Variants in STX8 observed in about 807,000 individuals in gnomAD.
The protein encoded by STX8 is syntaxin 8, also known as syntaxin-8.
Under a neutral mutation model 37.5 loss-of-function variants are expected in STX8, and 23 were observed. The ratio of observed to expected loss-of-function variants is 0.61; its 90% CI spans 0.44 to 0.87. The LOEUF (loss-of-function observed/expected upper bound fraction) is 0.87. STX8 is among the 40% of genes least tolerant of loss of function. The pLI is 0.00. For synonymous variants in STX8, 115 were observed against 99.1 expected (o/e 1.16, Z -0.95); for missense variants, 313 against 284.7 (o/e 1.10, Z -0.71).
chr17:9,457,176 C>A (rs561122843), intron 6 of STX8, among the ~76,000 whole-genome samples: 11 of 152,322 alleles, frequency 7.2e-5, no homozygotes, highest in African/African-American at 2.6e-4. Flanking sequence ...AACCAATTCC[C>A]ACACACCTAG....
At chr17:9,399,048 C>CA (rs376011880) in intron 6 of STX8, among the ~76,000 whole-genome samples, 2,488 of 85,368 alleles carry the variant, frequency 0.029, 87 homozygotes, top group Admixed American at 0.12. Context: ...GACTCCAGCT[C>CA]AAAAAAAAAA....
At chr17:9,468,264 C>T (rs1338570611) in intron 6 of STX8, among the ~76,000 whole-genome samples, 5 of 152,008 alleles carry the variant, frequency 3.3e-5, no homozygotes, top group Non-Finnish European at 5.9e-5. Context: ...CGTGCACCAC[C>T]GCACCCGGCT....
At chr17:9,285,042 C>T (rs1402840110) in intron 7 of STX8, among the ~76,000 whole-genome samples, 1 of 152,036 alleles carries the variant, frequency 6.6e-6, no homozygotes, top group South Asian at 2.1e-4. Context: ...CCAGGCCCCA[C>T]CCCCCTGGAG....
At chr17:9,551,898 G>T (rs959489746) in intron 3 of STX8, among the ~76,000 whole-genome samples, 1 of 151,792 alleles carries the variant, frequency 6.6e-6, no homozygotes, top group Non-Finnish European at 1.5e-5. Context: ...AACTAGGGGG[G>T]GGTGTAACTT....
At chr17:9,302,266 C>T (rs950787673) in intron 7 of STX8, among the ~76,000 whole-genome samples, 4 of 152,122 alleles carry the variant, frequency 2.6e-5, no homozygotes, top group African/African-American at 9.7e-5. Context: ...CCCTTCTCAT[C>T]CTTAATATGG....
intron 4 of STX8, among the ~76,000 whole-genome samples, chr17:9,535,423 A>ACTTTTTTTTT (rs1905992705): frequency 2.4e-5 from 1 of 41,118 alleles, no homozygotes. Context: ...CAGCCATCCT[A>ACTTTTTTTTT]CTTTTTTTTT....
At chr17:9,389,209 G>A (rs113198711) in intron 6 of STX8, among the ~76,000 whole-genome samples, 1 of 152,212 alleles carries the variant, frequency 6.6e-6, no homozygotes, top group African/African-American at 2.4e-5. Flanking sequence ...AGATTTCCTA[G>A]GCCAGAGAGC....
At chr17:9,523,311 CA>C (rs34297134) in intron 4 of STX8, among the ~76,000 whole-genome samples, 61,780 of 122,860 alleles carry the variant, frequency 0.5, 14,087 homozygotes, top group Middle Eastern at 0.54. Context: ...GACTCCATCT[CA>C]AAAAAAAAAA....
intron 1 of STX8, among the ~76,000 whole-genome samples, chr17:9,573,080 A>ACCCCCCCCCCCCCCCCC (rs71135994): frequency 7.9e-5 from 8 of 101,566 alleles, no homozygotes; most frequent in Admixed American, 1.1e-4. Flanking sequence ...CACCCCCAAC[A>ACCCCCCCCCCCCCCCCC]CCCCCCCCCA....
intron 6 of STX8, among the ~76,000 whole-genome samples, chr17:9,387,727 T>C (rs1200366637): frequency 6.6e-6 from 1 of 152,214 alleles, no homozygotes; most frequent in African/African-American, 2.4e-5. Flanking sequence ...ATACAATCAG[T>C]ATTGCGTGAT....
chr17:9,411,143 T>C (rs1046728861), intron 6 of STX8, among the ~76,000 whole-genome samples: 1 of 152,124 alleles, frequency 6.6e-6, no homozygotes, highest in African/African-American at 2.4e-5. Flanking sequence ...TAGAGGTTTG[T>C]ACTCTTGGGA....
chr17:9,435,211 T>C (rs1904388381), intron 6 of STX8, among the ~76,000 whole-genome samples: 1 of 152,218 alleles, frequency 6.6e-6, no homozygotes, highest in Admixed American at 6.5e-5. Flanking sequence ...AGCCGTGTTT[T>C]AGACATGTTG....
At position 9,485,124 on chromosome 17, in the gene STX8, T is replaced by C. The variant is rs558064543; in HGVS notation, c.541+6705A>G. 6.6e-4 allele frequency among the ~76,000 whole-genome samples: 19 copies of C among 28,702 alleles called. No homozygotes were observed. In the South Asian group the frequency reaches 0.078, roughly 117 times the overall value. The allele number at this position is 28,702 out of a possible 152,430, so 18.8% of individuals were successfully genotyped here. On this transcript the variant is annotated intron_variant, in intron 6 of 7. Coordinates refer to ENST00000306357, the MANE Select transcript of STX8 (RefSeq NM_004853.3). ...AGCAACATGCCAAGACCTTGTCGCT[T>C]AGAAAAAAAATTATAATAAGATCTG... is the stretch of plus-strand genomic sequence containing the variant.
intron 3 of STX8, among the ~76,000 whole-genome samples, chr17:9,550,276 C>A (rs1313565156): frequency 2.0e-5 from 3 of 150,616 alleles, no homozygotes; most frequent in African/African-American, 4.9e-5. Flanking sequence ...GCTGGGGAAC[C>A]TCCTCTTCCA....
intron 7 of STX8, among the ~76,000 whole-genome samples, chr17:9,253,272 G>T: frequency 6.7e-6 from 1 of 149,194 alleles, no homozygotes; most frequent in Non-Finnish European, 1.5e-5. Context: ...GCAGTGAGAA[G>T]GTAGGGATAC....
At position 9,568,388 on chromosome 17, in the gene STX8, C is replaced by T; in HGVS notation, c.100G>A (p.Gly34Ser). 6.2e-7 allele frequency: 1 copy of T among 1,611,318 alleles called. No individual in the cohort carries two copies. Among genetic ancestry groups the T allele is most frequent in the East Asian group, 2.2e-5 (1 of 44,856 alleles). The change falls in exon 2 of 8, where the codon GGT becomes AGT. Residue 34 changes from glycine to serine, a missense_variant. Coordinates refer to ENST00000306357, the MANE Select transcript of STX8 (RefSeq NM_004853.3). Reference sequence around the variant, plus strand: ...GGTATTACCTTTGGTGCCTTTTCACCTTTTCTTTCATATTGATTTCGTTGT... The same window carrying T: ...GGTATTACCTTTGGTGCCTTTTCACTTTTTCTTTCATATTGATTTCGTTGT... Reference protein sequence around the residue: ...IQQRNQYERKGEKAPKLTVTI... With the variant: ...IQQRNQYERKSEKAPKLTVTI...
Position 9,362,845 on chromosome 17 carries a change from A to T in STX8, c.643+15707T>A, listed in dbSNP as rs554414589. On this transcript the variant is annotated intron_variant, in intron 7 of 7. Coordinates refer to ENST00000306357, the MANE Select transcript of STX8 (RefSeq NM_004853.3). ...CTCCGTCTCAAAAAAAAAAAAAAAT[A>T]AATAAATAAATAAATAAATAATCTC... Among the ~76,000 whole-genome samples, 21 of 146,148 alleles carry T rather than the reference A, an allele frequency of 1.4e-4. No homozygotes were observed. The South Asian group carries it at 3.9e-3, about 27-fold the overall frequency.
intron 6 of STX8, among the ~76,000 whole-genome samples, chr17:9,466,012 C>T (rs1160833035): frequency 6.6e-6 from 1 of 151,914 alleles, no homozygotes; most frequent in Admixed American, 6.6e-5. Context: ...CTCTTGTTGC[C>T]CAGGCTGGAG....
intron 6 of STX8, among the ~76,000 whole-genome samples, chr17:9,426,725 GC>G (rs1423923143): frequency 1.3e-5 from 2 of 152,056 alleles, no homozygotes. Context: ...TTGAACCACT[GC>G]ACTCCAGCCT....
Sources: gnomAD v4.1 joint callset for allele counts (sites outside exome capture counted in the v4.1 genomes callset) on GRCh38, gnomAD v4.1.1 for gene constraint, MANE v1.5 for transcripts, NCBI Gene and HGNC (gene_info 2026-07-23, HGNC 2026-07-21) for gene names.